Variants in HS2ST1 observed in about 807,000 individuals in gnomAD.
HS2ST1 encodes the protein heparan sulfate 2-O-sulfotransferase 1.
A neutral mutation model predicts 42.9 loss-of-function variants in HS2ST1; 18 were observed. The observed-to-expected ratio is 0.42, with a 90% CI of 0.29 to 0.62. HS2ST1 has a LOEUF of 0.62. Ranked by LOEUF, HS2ST1 falls within the 20% of genes least tolerant of loss-of-function variation. The pLI is 0.21. For synonymous variants in HS2ST1, 146 were observed against 152.9 expected (o/e 0.95, Z 0.33); for missense variants, 334 against 433.8 (o/e 0.77, Z 2.04).
At chr1:87,041,238 AAAC>A (rs147908527) in intron 1 of HS2ST1, among the ~76,000 whole-genome samples, 66,862 of 93,220 alleles carry the variant, frequency 0.72, 26,959 homozygotes, top group East Asian at 0.96. Flanking sequence ...AAAAAAAAAA[AAAC>A]AAAAAAAAAA....
At chr1:86,979,978 T>C (rs1648531175) in intron 1 of HS2ST1, among the ~76,000 whole-genome samples, 2 of 152,242 alleles carry the variant, frequency 1.3e-5, no homozygotes, top group Admixed American at 1.3e-4. Flanking sequence ...TGCTATTTCT[T>C]CTTTGGAAAA....
At chr1:87,003,574 T>C (rs930169222) in intron 1 of HS2ST1, among the ~76,000 whole-genome samples, 1 of 152,198 alleles carries the variant, frequency 6.6e-6, no homozygotes, top group African/African-American at 2.4e-5. Flanking sequence ...TCTTGAATTT[T>C]GTTTGATGCT....
intron 1 of HS2ST1, among the ~76,000 whole-genome samples, chr1:86,918,389 ATAT>A (rs1470976843): frequency 6.6e-6 from 1 of 152,162 alleles, no homozygotes; most frequent in Non-Finnish European, 1.5e-5. Flanking sequence ...TAGCTGTATA[ATAT>A]TCCAAAGTAT....
At chr1:86,993,085 C>G in intron 1 of HS2ST1, 2 of 1,597,028 alleles carry the variant, frequency 1.3e-6, no homozygotes, top group Non-Finnish European at 1.7e-6. Context: ...CCTGTACATG[C>G]TGTTTATCAA....
At chr1:86,942,607 G>A (rs1029170245) in intron 1 of HS2ST1, among the ~76,000 whole-genome samples, 11 of 152,052 alleles carry the variant, frequency 7.2e-5, no homozygotes, top group African/African-American at 2.7e-4. Context: ...TCAGCTTTTT[G>A]GGGGGTACTT....
At chr1:87,094,329 A>G (rs1652012523) in intron 4 of HS2ST1, among the ~76,000 whole-genome samples, 1 of 152,032 alleles carries the variant, frequency 6.6e-6, no homozygotes, top group Admixed American at 6.6e-5. Context: ...GGGATTGGGT[A>G]ATAATAACTA....
chr1:87,095,882 C>G (rs965927541), intron 4 of HS2ST1, among the ~76,000 whole-genome samples: 1 of 151,532 alleles, frequency 6.6e-6, no homozygotes, highest in Middle Eastern at 3.5e-3. Flanking sequence ...TATTTCTCCT[C>G]CGACAAAAAA....
chr1:86,967,607 A>G (rs1260918932), intron 1 of HS2ST1, among the ~76,000 whole-genome samples: 1 of 152,132 alleles, frequency 6.6e-6, no homozygotes, highest in East Asian at 1.9e-4. Context: ...GTTCCATCCA[A>G]GTTGCTGCAG....
intron 1 of HS2ST1, among the ~76,000 whole-genome samples, chr1:87,069,019 T>C (rs1651328155): frequency 6.6e-6 from 1 of 152,162 alleles, no homozygotes; most frequent in South Asian, 2.1e-4. Context: ...TGTTAAGTTT[T>C]CTATTTGTTA....
intron 3 of HS2ST1, among the ~76,000 whole-genome samples, 197 bp downstream of exon 3, chr1:87,084,476 A>C (rs1415073365): frequency 6.6e-6 from 1 of 152,160 alleles, no homozygotes; most frequent in Non-Finnish European, 1.5e-5. Context: ...CAATTCTTAT[A>C]TTAATTACAT....
intron 1 of HS2ST1, among the ~76,000 whole-genome samples, chr1:87,002,003 C>A (rs1284091670): frequency 6.6e-6 from 1 of 151,654 alleles, no homozygotes; most frequent in Non-Finnish European, 1.5e-5. Flanking sequence ...AGATCCGCCT[C>A]CAGGGTTCAC....
intron 1 of HS2ST1, among the ~76,000 whole-genome samples, chr1:86,991,053 G>T (rs1030559681): frequency 6.6e-6 from 1 of 150,604 alleles, no homozygotes; most frequent in African/African-American, 2.4e-5. Context: ...GCTCAAAACC[G>T]CAAAATCTTG....
intron 1 of HS2ST1, among the ~76,000 whole-genome samples, chr1:86,964,182 C>A (rs1386073356): frequency 6.6e-6 from 1 of 152,124 alleles, no homozygotes; most frequent in Non-Finnish European, 1.5e-5. Context: ...GCGCTCCTCA[C>A]TTCCCAGACG....
At chr1:86,925,788 G>A (rs1660405022) in intron 1 of HS2ST1, among the ~76,000 whole-genome samples, 1 of 152,090 alleles carries the variant, frequency 6.6e-6, no homozygotes, top group Non-Finnish European at 1.5e-5. Context: ...TTGAACAAGT[G>A]GAATATTGTT....
At chr1:86,921,823 T>G (rs1353744799) in intron 1 of HS2ST1, among the ~76,000 whole-genome samples, 2 of 152,218 alleles carry the variant, frequency 1.3e-5, no homozygotes, top group East Asian at 3.8e-4. Flanking sequence ...TTACTTTGTC[T>G]AATACTAATA....
intron 1 of HS2ST1, among the ~76,000 whole-genome samples, chr1:86,957,709 A>G (rs1297078954): frequency 6.6e-6 from 1 of 152,144 alleles, no homozygotes; most frequent in Non-Finnish European, 1.5e-5. Context: ...AGTTAAAAAC[A>G]TAATGTTTTG....
At chr1:86,932,892 GA>G (rs759667567) in intron 1 of HS2ST1, among the ~76,000 whole-genome samples, 56 of 152,274 alleles carry the variant, frequency 3.7e-4, no homozygotes, top group Admixed American at 2.4e-3. Flanking sequence ...TTACCTTGAG[GA>G]AGTTATACAT....
At chr1:87,031,983 C>A (rs754622483) in intron 1 of HS2ST1, among the ~76,000 whole-genome samples, 1 of 152,132 alleles carries the variant, frequency 6.6e-6, no homozygotes, top group Non-Finnish European at 1.5e-5. Flanking sequence ...ACCATTCTTT[C>A]TTTATTGTTG....
chr1:86,976,704 G>GTATATATATA lies in HS2ST1; in HGVS notation c.124+61552_124+61561dup, dbSNP rs147039703. ...AAATCCATCTTTTCTTTATAAAATTGTATATATATATATATATTTTAAATG... is the reference window on the plus strand; with the variant it reads ...AAATCCATCTTTTCTTTATAAAATTGTATATATATATATATATATATATATATTTTAAATG... On this transcript the variant is annotated intron_variant, in intron 1 of 6. Transcript: ENST00000370550. Among the ~76,000 whole-genome samples the GTATATATATA allele has an allele frequency of 8.2e-3, 657 of 79,694 alleles. 46 individuals are homozygous for GTATATATATA. The highest frequency in any genetic ancestry group is 0.019 in the African/African-American group (524 of 28,280). The allele number at this position is 79,694 out of a possible 152,430, so 52.3% of individuals were successfully genotyped here.
Sources: allele counts gnomAD v4.1 joint callset (sites outside exome capture counted in the v4.1 genomes callset), GRCh38; gene constraint gnomAD v4.1.1; transcripts MANE v1.5; gene names NCBI Gene and HGNC (gene_info 2026-07-23, HGNC 2026-07-21).